ZZEF1: variants seen among roughly 807,000 people sequenced by gnomAD.
ZZEF1 encodes the protein zinc finger ZZ-type and EF-hand domain-containing protein 1.
Under a neutral mutation model 342.8 loss-of-function variants are expected in ZZEF1, and 157 were observed. The observed-to-expected ratio is 0.46, with a 90% CI of 0.40 to 0.52. The LOEUF is 0.52. Among genes scored for constraint, ZZEF1 ranks in the 20% least tolerant of loss-of-function variants. The pLI is 0.00. For synonymous variants in ZZEF1, 1,505 were observed against 1,429.1 expected (o/e 1.05, Z -1.20); for missense variants, 3,480 against 3,725.6 (o/e 0.93, Z 1.72).
At chr17:4,035,761 T>C (rs1310439171) in intron 39 of ZZEF1, among the ~76,000 whole-genome samples, 1 of 151,470 alleles carries the variant, frequency 6.6e-6, no homozygotes, top group African/African-American at 2.4e-5. Flanking sequence ...CGGGTGAGGG[T>C]CGTCTCACTG....
chr17:4,109,625 G>C, intron 6 of ZZEF1, 28 bp downstream of exon 6: 1 of 1,610,756 alleles, frequency 6.2e-7, no homozygotes, highest in South Asian at 1.1e-5. Context: ...CATGTTGAGG[G>C]GGCTGGAACA....
chr17:4,075,560 C>T (rs1360086345), intron 21 of ZZEF1, 131 bp from the exon 22 acceptor site: 1 of 968,944 alleles, frequency 1.0e-6, no homozygotes, highest in Non-Finnish European at 1.5e-6. Flanking sequence ...AGCAGGCAGG[C>T]TCGAAGACAA....
Position 4,009,815 on chromosome 17 carries a change from G to C in ZZEF1, c.8580-58C>G. ...CTGAGAGCCATGCCAAGGTCACATGGCTTACAGCTGGCAGGAACCACAGCT... is the reference window on the plus strand; with the variant it reads ...CTGAGAGCCATGCCAAGGTCACATGCCTTACAGCTGGCAGGAACCACAGCT... On this transcript the variant is annotated intron_variant, in intron 52 of 54. Coordinates refer to ENST00000381638, the MANE Select transcript of ZZEF1 (RefSeq NM_015113.4). 2.5e-6 allele frequency: 4 copies of C among 1,577,028 alleles called. No individual in the cohort carries two copies. The South Asian group carries it at 4.6e-5, about 18-fold the overall frequency.
intron 7 of ZZEF1, 66 bp from the exon 8 acceptor site, chr17:4,104,877 C>T (rs895103833): frequency 2.4e-5 from 33 of 1,394,758 alleles, no homozygotes; most frequent in Non-Finnish European, 3.1e-5. Flanking sequence ...AGCTCAAACC[C>T]CATGTAAGTG....
At chr17:4,025,871 C>T (rs370220299) in intron 42 of ZZEF1, among the ~76,000 whole-genome samples, 15 of 152,248 alleles carry the variant, frequency 9.9e-5, no homozygotes, top group South Asian at 4.1e-4. Flanking sequence ...AAACTAGATC[C>T]GCCCTCCAAT....
chr17:4,112,092 ATGT>A (rs1295072272), intron 5 of ZZEF1, among the ~76,000 whole-genome samples: 45 of 43,692 alleles, frequency 1.0e-3, no homozygotes, highest in African/African-American at 3.3e-3. Context: ...ATATATATAT[ATGT>A]TTTGTTTTGT....
At chr17:4,140,469 A>G (rs933829752) in intron 1 of ZZEF1, among the ~76,000 whole-genome samples, 1 of 152,154 alleles carries the variant, frequency 6.6e-6, no homozygotes, top group East Asian at 1.9e-4. Flanking sequence ...AACACTCACC[A>G]TATCTTATAA....
chr17:4,032,870 G>A lies in ZZEF1; in HGVS notation c.6717C>T (p.His2239=), dbSNP rs2145056107. The A allele has an allele frequency of 4.3e-6, 7 of 1,614,212 alleles. No homozygotes were observed. The highest frequency in any genetic ancestry group is 5.9e-6 in the Non-Finnish European group (7 of 1,180,036). ...GCACGAGCAGGGTGAAGATGTTGGTGTGCTTCAGCTGGAATGGCAGCTGCT... is the reference window on the plus strand; with the variant it reads ...GCACGAGCAGGGTGAAGATGTTGGTATGCTTCAGCTGGAATGGCAGCTGCT... ...CIKQLPFQLK[H]TNIFTLLVLV... is the part of the protein sequence containing the mutation. Residue 2239 remains histidine, a synonymous_variant, in exon 41 of 55, where the codon CAC becomes CAT. Coordinates refer to ENST00000381638, the MANE Select transcript of ZZEF1 (RefSeq NM_015113.4).
chr17:4,008,417 G>T lies in ZZEF1; in HGVS notation c.8805+466C>A. On this transcript the variant is annotated intron_variant, in intron 54 of 54. Transcript: ENST00000381638. This position sits in a 1 kb window ranked among gnomAD's most constrained non-coding sequence, Gnocchi z 4.2. Reference sequence around the variant, plus strand: ...TACACTTTTGCTTAATTTTTAAATTGAAAATCTCGTTTCTAATGGCACATA... The same window carrying T: ...TACACTTTTGCTTAATTTTTAAATTTAAAATCTCGTTTCTAATGGCACATA... 1.7e-6 allele frequency: 1 copy of T among 592,034 alleles called. No individual in the cohort carries two copies. Among genetic ancestry groups the T allele is most frequent in the Non-Finnish European group, 2.1e-6 (1 of 472,758 alleles). The allele number at this position is 592,034 out of a possible 1,614,324, so 36.7% of individuals were successfully genotyped here. A position where few individuals can be genotyped will look rare whatever the true frequency, so the allele number is the denominator to read the frequency against.
At position 4,087,508 on chromosome 17, in the gene ZZEF1, T is replaced by C. The variant is rs758541151; in HGVS notation, c.2268A>G (p.Lys756=). Residue 756 remains lysine, a synonymous_variant, in exon 14 of 55, where the codon AAA becomes AAG. Coordinates refer to ENST00000381638, the MANE Select transcript of ZZEF1 (RefSeq NM_015113.4). ...DLVQQKESGL[K]YKSFLDFAGL... is the part of the protein sequence containing the mutation. ...CCGCGAAGTCCAGAAAAGATTTATATTTTAAGCCACTTTCCTTCTGCTGCA... is the reference window on the plus strand; with the variant it reads ...CCGCGAAGTCCAGAAAAGATTTATACTTTAAGCCACTTTCCTTCTGCTGCA... 6.2e-7 allele frequency: 1 copy of C among 1,610,068 alleles called. No homozygotes were observed. Among genetic ancestry groups the C allele is most frequent in the Non-Finnish European group, 8.5e-7 (1 of 1,179,018 alleles).
chr17:4,026,255 G>T (rs2056400636), intron 42 of ZZEF1, among the ~76,000 whole-genome samples: 2 of 152,116 alleles, frequency 1.3e-5, no homozygotes, highest in African/African-American at 4.8e-5. Flanking sequence ...AGTGGAGATG[G>T]GGGTGGGGGC....
intron 23 of ZZEF1, among the ~76,000 whole-genome samples, 186 bp downstream of exon 23, chr17:4,074,911 A>G (rs1210406861): frequency 6.6e-6 from 1 of 152,254 alleles, no homozygotes; most frequent in Non-Finnish European, 1.5e-5. Flanking sequence ...TGTGTTCCAA[A>G]AAAATTTGTT....
intron 2 of ZZEF1, among the ~76,000 whole-genome samples, chr17:4,118,535 A>G (rs1416750889): frequency 6.6e-6 from 1 of 152,178 alleles, no homozygotes; most frequent in Non-Finnish European, 1.5e-5. Context: ...CCCAAGCGGC[A>G]GAGCAGCTTG....
intron 39 of ZZEF1, among the ~76,000 whole-genome samples, chr17:4,037,167 A>G (rs1427219476): frequency 6.6e-6 from 1 of 152,134 alleles, no homozygotes; most frequent in Non-Finnish European, 1.5e-5. Flanking sequence ...TAAATAAATA[A>G]ATTGTTTGAT....
intron 33 of ZZEF1, among the ~76,000 whole-genome samples, chr17:4,055,969 G>T (rs1181449014): frequency 1.3e-5 from 2 of 152,198 alleles, no homozygotes; most frequent in Non-Finnish European, 2.9e-5. Flanking sequence ...TTTATTGTGG[G>T]CTCATGCTCC....
chr17:4,139,046 G>A (rs879164204), intron 1 of ZZEF1, among the ~76,000 whole-genome samples: 2 of 142,908 alleles, frequency 1.4e-5, no homozygotes, highest in Admixed American at 7.0e-5. Flanking sequence ...AGACAGCTGC[G>A]TGGACACCAA....
At chr17:4,046,291 T>C (rs2056911455) in intron 37 of ZZEF1, among the ~76,000 whole-genome samples, 2 of 152,222 alleles carry the variant, frequency 1.3e-5, no homozygotes. Flanking sequence ...AGCTGTCAGC[T>C]GCATTTCCTG....
At chr17:4,115,534 G>C (rs533127627) in intron 3 of ZZEF1, among the ~76,000 whole-genome samples, 1 of 151,908 alleles carries the variant, frequency 6.6e-6, no homozygotes, top group African/African-American at 2.4e-5. Context: ...ACGGTGGCAC[G>C]TGCCTGTAAT....
chr17:4,021,332 G>A lies in ZZEF1; in HGVS notation c.7213-12C>T, dbSNP rs754768963. On this transcript the variant is annotated splice_polypyrimidine_tract_variant and intron_variant, in intron 44 of 54. Transcript: ENST00000381638. The stretch of plus-strand genomic sequence containing the variant: ...ATGATGGACAAAATCTACACAGAAA[G>A]AAAATCCAGCTGAATGTGAGCACTC... 1.9e-6 allele frequency: 3 copies of A among 1,588,814 alleles called. No individual in the cohort carries two copies. The Admixed American group carries it at 5.2e-5, about 28-fold the overall frequency.
Sources: gnomAD v4.1 joint callset for allele counts (sites outside exome capture counted in the v4.1 genomes callset) on GRCh38, gnomAD v4.1.1 for gene constraint, Gnocchi (gnomAD v3.1) non-coding constraint, MANE v1.5 for transcripts, NCBI Gene and HGNC (gene_info 2026-07-23, HGNC 2026-07-21) for gene names.